Variants in RPH3A observed in about 807,000 individuals in gnomAD.
RPH3A encodes the protein rabphilin 3A.
Under a neutral mutation model 102.2 loss-of-function variants are expected in RPH3A, and 48 were observed. The observed-to-expected ratio is 0.47, with a 90% CI of 0.37 to 0.60. RPH3A has a LOEUF of 0.60. RPH3A is among the 20% of genes least tolerant of loss of function. The probability of loss-of-function intolerance (pLI) is 0.00; values close to 1 mark genes in which losing one functional copy is unlikely to be tolerated. For synonymous variants in RPH3A, 310 were observed against 324.3 expected, an observed-to-expected ratio of 0.96 and a Z score of 0.47; for missense variants, 781 against 910.1, an observed-to-expected ratio of 0.86 and a Z score of 1.83.
chr12:112,688,303 G>A (rs991543320), intron 1 of RPH3A, among the ~76,000 whole-genome samples: 1 of 152,126 alleles, frequency 6.6e-6, no homozygotes, highest in African/African-American at 2.4e-5. Flanking sequence ...ATAAAGGCAG[G>A]TATGCATTCT....
intron 1 of RPH3A, among the ~76,000 whole-genome samples, chr12:112,691,010 G>A (rs1409031750): frequency 1.3e-5 from 2 of 151,068 alleles, no homozygotes; most frequent in Non-Finnish European, 2.9e-5. Flanking sequence ...CCCCGCCCCC[G>A]CACTGAAATA....
At chr12:112,849,819 A>G (rs1310267006) in intron 5 of RPH3A, among the ~76,000 whole-genome samples, 1 of 152,214 alleles carries the variant, frequency 6.6e-6, no homozygotes. Flanking sequence ...AGTCTTATCC[A>G]GGGTCCAAAT....
intron 5 of RPH3A, among the ~76,000 whole-genome samples, chr12:112,852,451 A>C (rs2042337769): frequency 6.6e-6 from 1 of 152,252 alleles, no homozygotes; most frequent in East Asian, 1.9e-4. Flanking sequence ...GTTCAGAGAT[A>C]TCTCCAGGGA....
chr12:112,793,637 G>A (rs568916147), intron 2 of RPH3A, among the ~76,000 whole-genome samples: 116 of 152,312 alleles, frequency 7.6e-4, no homozygotes, highest in Non-Finnish European at 1.1e-3. Context: ...GTGACCTTGA[G>A]GAGGAAGTTG....
At chr12:112,876,369 A>G (rs1364570547) in intron 12 of RPH3A, among the ~76,000 whole-genome samples, 1 of 152,220 alleles carries the variant, frequency 6.6e-6, no homozygotes, top group Non-Finnish European at 1.5e-5. Flanking sequence ...AGAGACATTA[A>G]GTAATTTGCC....
intron 1 of RPH3A, among the ~76,000 whole-genome samples, chr12:112,712,983 C>CTTTCTTCTTT (rs1565857040): frequency 7.2e-5 from 7 of 97,030 alleles, no homozygotes; most frequent in African/African-American, 1.5e-4. Context: ...CTTTCTTCTT[C>CTTTCTTCTTT]GTCGTCTTTG....
chr12:112,678,421 G>C (rs2040203294), intron 1 of RPH3A, among the ~76,000 whole-genome samples: 1 of 151,840 alleles, frequency 6.6e-6, no homozygotes, highest in African/African-American at 2.4e-5. Context: ...ATGAGGACAA[G>C]AGGAAAGGAT....
At chr12:112,704,987 G>A (rs552754302) in intron 1 of RPH3A, among the ~76,000 whole-genome samples, 20 of 152,254 alleles carry the variant, frequency 1.3e-4, no homozygotes, top group South Asian at 2.1e-4. Flanking sequence ...AAGTAATCGC[G>A]CTTTAAATTA....
At chr12:112,699,317 A>C (rs539480219) in intron 1 of RPH3A, among the ~76,000 whole-genome samples, 1 of 152,348 alleles carries the variant, frequency 6.6e-6, no homozygotes, top group Admixed American at 6.5e-5. Context: ...ACATATGACC[A>C]GATCTGTTTG....
intron 19 of RPH3A, 131 bp downstream of exon 19, chr12:112,891,134 C>A: frequency 1.0e-6 from 1 of 993,332 alleles, no homozygotes; most frequent in Non-Finnish European, 1.5e-6. Context: ...TGCCCAAGGT[C>A]ACAGTGAAAC....
chr12:112,725,271 A>AC (rs1187515641), intron 1 of RPH3A, among the ~76,000 whole-genome samples: 3 of 151,328 alleles, frequency 2.0e-5, no homozygotes, highest in Non-Finnish European at 3.0e-5. Context: ...AAAAAAAAAA[A>AC]AAAAAAAACA....
At chr12:112,858,286 A>G (rs1190503428) in intron 5 of RPH3A, among the ~76,000 whole-genome samples, 1 of 150,418 alleles carries the variant, frequency 6.6e-6, no homozygotes, top group East Asian at 1.9e-4. Flanking sequence ...AAAAAAAAAA[A>G]AAAAAAAAGA....
intron 2 of RPH3A, among the ~76,000 whole-genome samples, chr12:112,809,563 C>T (rs759900533): frequency 1.3e-5 from 2 of 152,100 alleles, no homozygotes; most frequent in Non-Finnish European, 2.9e-5. Flanking sequence ...TAGGAGTTAC[C>T]AGTTTTTGAG....
chr12:112,732,583 C>T (rs1399907037), intron 1 of RPH3A, among the ~76,000 whole-genome samples: 5 of 152,146 alleles, frequency 3.3e-5, no homozygotes, highest in Admixed American at 6.5e-5. Context: ...TTGGGATCCA[C>T]CCTAGTGGGA....
At chr12:112,719,300 C>T (rs2040536004) in intron 1 of RPH3A, among the ~76,000 whole-genome samples, 1 of 152,148 alleles carries the variant, frequency 6.6e-6, no homozygotes, top group Admixed American at 6.5e-5. Context: ...AATGAGAAGG[C>T]ATTCAATAAA....
At chr12:112,803,639 ATAAT>A (rs1021140977) in intron 2 of RPH3A, among the ~76,000 whole-genome samples, 2 of 151,954 alleles carry the variant, frequency 1.3e-5, no homozygotes, top group African/African-American at 2.4e-5. Context: ...TAAAAAATAA[ATAAT>A]TAATATAATT....
At chr12:112,597,367 G>C (rs1277824142) in intron 1 of RPH3A, among the ~76,000 whole-genome samples, 1 of 152,138 alleles carries the variant, frequency 6.6e-6, no homozygotes, top group Non-Finnish European at 1.5e-5. Context: ...CAGCTCACTT[G>C]AGCCCAGGAG....
At chr12:112,677,451 T>C (rs1034274354) in intron 1 of RPH3A, among the ~76,000 whole-genome samples, 41 of 124,576 alleles carry the variant, frequency 3.3e-4, no homozygotes, top group Non-Finnish European at 4.9e-4. Context: ...CCTTCCTTCC[T>C]TCCTTCCTTC....
At chr12:112,848,064 G>A (rs1376489894) in intron 5 of RPH3A, among the ~76,000 whole-genome samples, 1 of 152,154 alleles carries the variant, frequency 6.6e-6, no homozygotes, top group Non-Finnish European at 1.5e-5. Flanking sequence ...AAAGGGACTA[G>A]AGGAGAGATT....
Sources: gnomAD v4.1 joint callset for allele counts (sites outside exome capture counted in the v4.1 genomes callset) on GRCh38, gnomAD v4.1.1 for gene constraint, MANE v1.5 for transcripts, NCBI Gene and HGNC (gene_info 2026-07-23, HGNC 2026-07-21) for gene names.